Variants in CCSER1 observed in about 807,000 individuals in gnomAD.
The protein encoded by CCSER1 is serine-rich coiled-coil domain-containing protein 1.
A neutral mutation model predicts 82.0 loss-of-function variants in CCSER1; 41 were observed. The observed-to-expected ratio is 0.50, with a 90% confidence interval of 0.39 to 0.65. The LOEUF is 0.65. Among genes scored for constraint, CCSER1 ranks in the 30% least tolerant of loss-of-function variants. The probability of loss-of-function intolerance (pLI) is 0.00; values close to 1 mark genes in which losing one functional copy is unlikely to be tolerated. For missense variants in CCSER1, 1,119 were observed against 1,064.2 expected, an observed-to-expected ratio of 1.05 and a Z score of -0.72; for synonymous variants, 414 against 383.9, an observed-to-expected ratio of 1.08 and a Z score of -0.92.
chr4:90,233,499 G>T (rs1053192284), intron 1 of CCSER1, among the ~76,000 whole-genome samples: 1 of 152,102 alleles, frequency 6.6e-6, no homozygotes, highest in East Asian at 1.9e-4. Flanking sequence ...GGGAGGGATA[G>T]CATGGGGAGA....
At chr4:91,422,897 G>A (rs756332810) in intron 10 of CCSER1, among the ~76,000 whole-genome samples, 3 of 152,072 alleles carry the variant, frequency 2.0e-5, no homozygotes, top group Non-Finnish European at 2.9e-5. Flanking sequence ...CTGAGAGGAA[G>A]TTGGAAAGAC....
intron 5 of CCSER1, among the ~76,000 whole-genome samples, chr4:90,544,737 T>A (rs1281550059): frequency 1.3e-5 from 2 of 152,040 alleles, no homozygotes; most frequent in Non-Finnish European, 2.9e-5. Context: ...TCTGGTATGA[T>A]CCAAGTCCCT....
chr4:90,249,750 A>T (rs1284249626), intron 1 of CCSER1, among the ~76,000 whole-genome samples: 1 of 152,058 alleles, frequency 6.6e-6, no homozygotes, highest in Non-Finnish European at 1.5e-5. Context: ...ATTGATGAAC[A>T]TTTGAGTTAT....
intron 10 of CCSER1, among the ~76,000 whole-genome samples, chr4:91,492,826 A>G (rs774899388): frequency 4.6e-5 from 7 of 152,210 alleles, no homozygotes. Flanking sequence ...TTATAGGATC[A>G]TTCCAGAAAG....
At chr4:90,607,276 A>C (rs1461007060) in intron 5 of CCSER1, among the ~76,000 whole-genome samples, 1 of 152,170 alleles carries the variant, frequency 6.6e-6, no homozygotes, top group African/African-American at 2.4e-5. Flanking sequence ...ATTTAATAGA[A>C]TAAATCTTAT....
intron 9 of CCSER1, among the ~76,000 whole-genome samples, chr4:91,050,777 T>G (rs1742940911): frequency 6.6e-6 from 1 of 152,206 alleles, no homozygotes; most frequent in South Asian, 2.1e-4. Context: ...TTGTGATTTA[T>G]CTTCCCAGTC....
intron 5 of CCSER1, among the ~76,000 whole-genome samples, chr4:90,533,278 G>T (rs545524051): frequency 6.6e-6 from 1 of 151,720 alleles, no homozygotes; most frequent in Non-Finnish European, 1.5e-5. Flanking sequence ...TGTATTTTTA[G>T]TAGAGACGGG....
intron 9 of CCSER1, among the ~76,000 whole-genome samples, chr4:90,980,238 T>G (rs1735989794): frequency 6.6e-6 from 1 of 151,826 alleles, no homozygotes; most frequent in South Asian, 2.1e-4. Flanking sequence ...AGTCCTGAGC[T>G]CACCAGTTAG....
At chr4:90,551,157 G>C (rs2153640722) in intron 5 of CCSER1, among the ~76,000 whole-genome samples, 1 of 152,206 alleles carries the variant, frequency 6.6e-6, no homozygotes, top group Non-Finnish European at 1.5e-5. Flanking sequence ...TAGTTTATAA[G>C]ATCTTGCTAT....
At chr4:90,859,539 G>C (rs116045532) in intron 8 of CCSER1, among the ~76,000 whole-genome samples, 9,877 of 151,676 alleles carry the variant, frequency 0.065, 668 homozygotes, top group African/African-American at 0.18. Context: ...CTTGTTTATA[G>C]GATGATAGAA....
intron 7 of CCSER1, among the ~76,000 whole-genome samples, chr4:90,808,710 C>G (rs189411181): frequency 3.3e-5 from 5 of 151,926 alleles, no homozygotes; most frequent in Admixed American, 3.3e-4. Flanking sequence ...TCCAGAATAA[C>G]CATTATTAAA....
rs932082328 is a variant in CCSER1 at position 90,499,404 on chromosome 4, A to G, written c.1724+31050A>G. On this transcript the variant is annotated intron_variant, in intron 5 of 10. Coordinates refer to ENST00000509176, the MANE Select transcript of CCSER1 (RefSeq NM_001145065.2). ...CTGAAGTGTCTCCCATTTTCTGCCT[A>G]TTTAAATTTCTTTGATTTCTTAGCA... Among the ~76,000 whole-genome samples the G allele has an allele frequency of 8.5e-5, 13 of 152,180 alleles. No individual in the cohort carries two copies. In the South Asian group the frequency reaches 2.7e-3, roughly 32 times the overall value.
At chr4:90,907,352 C>G (rs1463492384) in intron 8 of CCSER1, among the ~76,000 whole-genome samples, 1 of 151,928 alleles carries the variant, frequency 6.6e-6, no homozygotes, top group East Asian at 1.9e-4. Flanking sequence ...TCTGTTTACA[C>G]CAGGATGCTG....
chr4:90,228,473 A>G (rs951508835), intron 1 of CCSER1, among the ~76,000 whole-genome samples: 25 of 152,298 alleles, frequency 1.6e-4, no homozygotes, highest in African/African-American at 6.0e-4. Flanking sequence ...CCATCTGTAT[A>G]TCACCATCAT....
At chr4:90,303,170 A>T (rs1420188121) in intron 1 of CCSER1, among the ~76,000 whole-genome samples, 1 of 152,226 alleles carries the variant, frequency 6.6e-6, no homozygotes, top group African/African-American at 2.4e-5. Flanking sequence ...AAACTAGGAC[A>T]AACATATCAC....
intron 6 of CCSER1, among the ~76,000 whole-genome samples, chr4:90,644,203 G>T (rs1467332123): frequency 6.6e-6 from 1 of 152,112 alleles, no homozygotes; most frequent in Non-Finnish European, 1.5e-5. Context: ...TGGAATATTT[G>T]CGTATATGTA....
intron 8 of CCSER1, among the ~76,000 whole-genome samples, chr4:90,919,361 AC>A (rs1728045088): frequency 6.6e-6 from 1 of 151,900 alleles, no homozygotes; most frequent in South Asian, 2.1e-4. Context: ...TGCTCCACTT[AC>A]TATCTTGTGT....
chr4:91,257,308 A>T (rs922339681), intron 10 of CCSER1, among the ~76,000 whole-genome samples: 2 of 152,112 alleles, frequency 1.3e-5, no homozygotes. Context: ...GATACAATGA[A>T]ATATTTGTTT....
At chr4:90,468,111 ATAAT>A (rs1763877167) in intron 4 of CCSER1, 119 bp from the exon 5 acceptor site, 1 of 838,908 alleles carries the variant, frequency 1.2e-6, no homozygotes, top group Admixed American at 3.6e-5. Flanking sequence ...GGATAATTTA[ATAAT>A]TAATGTTTTA....
Sources: allele counts gnomAD v4.1 joint callset (sites outside exome capture counted in the v4.1 genomes callset), GRCh38; gene constraint gnomAD v4.1.1; transcripts MANE v1.5; gene names NCBI Gene and HGNC (gene_info 2026-07-23, HGNC 2026-07-21).